HIVEP3: variants seen among roughly 807,000 people sequenced by gnomAD.
The protein encoded by HIVEP3 is HIVEP zinc finger 3.
HIVEP3 carries 49 observed loss-of-function variants against 152.8 expected under a neutral mutation model. The observed-to-expected ratio is 0.32, with a 90% confidence interval of 0.26 to 0.41. The LOEUF (loss-of-function observed/expected upper bound fraction) is 0.41. Among genes scored for constraint, HIVEP3 ranks in the 10% least tolerant of loss-of-function variants. HIVEP3 has a pLI of 1.00. For missense variants in HIVEP3, 2,790 were observed against 3,103.3 expected (o/e 0.90, Z 2.40); for synonymous variants, 1,269 against 1,289.0 (o/e 0.98, Z 0.33).
chr1:42,031,393 T>A (rs997162731), intron 1 of HIVEP3, among the ~76,000 whole-genome samples: 1 of 152,222 alleles, frequency 6.6e-6, no homozygotes, highest in Non-Finnish European at 1.5e-5. Context: ...TTTCTTCTTC[T>A]TCCCTTTAAA....
chr1:41,603,132 T>A (rs1644770425), intron 3 of HIVEP3, among the ~76,000 whole-genome samples: 1 of 152,278 alleles, frequency 6.6e-6, no homozygotes, highest in Non-Finnish European at 1.5e-5. Context: ...AGCGGCGCGA[T>A]CTCTGCTCAC....
chr1:41,882,609 GCCT>G (rs142777768), intron 1 of HIVEP3, among the ~76,000 whole-genome samples: 1,854 of 152,282 alleles, frequency 0.012, 30 homozygotes, highest in African/African-American at 0.042. Flanking sequence ...TTCCAAGGCA[GCCT>G]CCACCTTGCT....
intron 1 of HIVEP3, among the ~76,000 whole-genome samples, chr1:41,917,638 A>G (rs1644891154): frequency 6.6e-6 from 1 of 152,182 alleles, no homozygotes; most frequent in Non-Finnish European, 1.5e-5. Flanking sequence ...AGCCTGGACA[A>G]TATCATTAGG....
intron 1 of HIVEP3, among the ~76,000 whole-genome samples, chr1:41,967,553 A>T (rs894093598): frequency 1.3e-5 from 2 of 152,240 alleles, no homozygotes; most frequent in African/African-American, 4.8e-5. Context: ...AGCAGTGTTT[A>T]GAGAGAAATT....
intron 2 of HIVEP3, among the ~76,000 whole-genome samples, chr1:41,634,141 C>T (rs1007362282): frequency 5.3e-5 from 8 of 151,090 alleles, no homozygotes; most frequent in South Asian, 4.2e-4. Flanking sequence ...AAAAATTACT[C>T]GAGGAATCAC....
chr1:42,005,055 AC>A (rs1645450635), intron 1 of HIVEP3, among the ~76,000 whole-genome samples: 1 of 152,016 alleles, frequency 6.6e-6, no homozygotes, highest in South Asian at 2.1e-4. Flanking sequence ...CACCTTAGGG[AC>A]TTTGCCCTGG....
intron 1 of HIVEP3, among the ~76,000 whole-genome samples, chr1:41,992,166 A>G (rs1319960627): frequency 6.1e-5 from 9 of 147,744 alleles, no homozygotes; most frequent in Non-Finnish European, 1.1e-4. Context: ...AGGCAGGAGA[A>G]GGAAATAAAG....
At chr1:41,870,620 G>A (rs1012468372) in intron 1 of HIVEP3, among the ~76,000 whole-genome samples, 1 of 152,152 alleles carries the variant, frequency 6.6e-6, no homozygotes, top group Admixed American at 6.5e-5. Context: ...TTTACACAGG[G>A]ATAATTGATG....
In HIVEP3 at chr1:41,947,380, C is replaced by A. The variant is rs527500467; in HGVS notation, n.120-28856G>T. Among the ~76,000 whole-genome samples, 233 of 152,324 alleles carry A rather than the reference C, an allele frequency of 1.5e-3. 1 individual carries two copies. The highest frequency in any genetic ancestry group is 2.3e-3 in the Non-Finnish European group (157 of 68,032). On this transcript the variant is annotated intron_variant and non_coding_transcript_variant, in intron 1 of 3. Coordinates refer to the HIVEP3 transcript ENST00000489103. ...GTTAAATACTTCGGGCTAAAATTAT[C>A]CAAAGACACCAGGGCCCTCAGTGAG... is the stretch of plus-strand genomic sequence containing the variant.
intron 7 of HIVEP3, 55 bp downstream of exon 7, chr1:41,518,347 A>C: frequency 7.0e-7 from 1 of 1,437,436 alleles, no homozygotes; most frequent in South Asian, 1.1e-5. Flanking sequence ...AAGGTGGAGG[A>C]GGATAGGGAA....
At chr1:41,836,443 G>A (rs919512597) in intron 1 of HIVEP3, among the ~76,000 whole-genome samples, 1 of 152,226 alleles carries the variant, frequency 6.6e-6, no homozygotes, top group African/African-American at 2.4e-5. Flanking sequence ...GGGACATGCT[G>A]CAGTTCTCCT....
chr1:41,595,679 G>A (rs1478614940), intron 3 of HIVEP3, among the ~76,000 whole-genome samples: 1 of 152,110 alleles, frequency 6.6e-6, no homozygotes, highest in Non-Finnish European at 1.5e-5. Flanking sequence ...CAGTGGACTG[G>A]GAAAGGCAGA....
rs1180626182 is a variant in HIVEP3 at position 41,584,998 on chromosome 1, G to A, written c.-201C>T. The A allele has an allele frequency of 1.4e-5, 6 of 428,340 alleles. No individual in the cohort carries two copies. The South Asian group carries it at 2.9e-4, about 21-fold the overall frequency. 26.5% of individuals were successfully genotyped at this position (428,340 alleles called of 1,614,324 possible). Reference sequence around the variant, plus strand: ...CTCGGAGCAGGTCATCAGGGCCCACGCTATTCTATTGGTGAGGCATGGCCC... The same window carrying A: ...CTCGGAGCAGGTCATCAGGGCCCACACTATTCTATTGGTGAGGCATGGCCC... On this transcript the variant is annotated 5_prime_UTR_variant, in exon 4 of 9. Coordinates refer to ENST00000372583, the MANE Select transcript of HIVEP3 (RefSeq NM_024503.5). This position sits in a 1 kb window ranked among gnomAD's most constrained non-coding sequence, Gnocchi z 5.2.
chr1:41,716,114 G>A (rs2124158749), intron 1 of HIVEP3, among the ~76,000 whole-genome samples: 1 of 152,368 alleles, frequency 6.6e-6, no homozygotes, highest in East Asian at 1.9e-4. Context: ...AGGGAGCACA[G>A]GGAGGGCTTG....
chr1:41,627,613 C>T (rs1379053271), intron 3 of HIVEP3, among the ~76,000 whole-genome samples: 1 of 152,194 alleles, frequency 6.6e-6, no homozygotes, highest in African/African-American at 2.4e-5. Flanking sequence ...TGAGGGCTGC[C>T]TGTGGCCCCA....
Position 41,745,880 on chromosome 1 carries a change from G to A in HIVEP3, c.-800-44885C>T, listed in dbSNP as rs532993288. On this transcript the variant is annotated intron_variant, in intron 1 of 8. Transcript: ENST00000372583. ...CAGGCCTCCTTGCTGAGGCTTCAGG[G>A]CCTGTCAGTGAATCCTAGCAGATCT... 1.3e-3 allele frequency among the ~76,000 whole-genome samples: 201 copies of A among 152,344 alleles called. 1 individual carries two copies. The highest frequency in any genetic ancestry group is 4.5e-3 in the African/African-American group (187 of 41,582).
intron 1 of HIVEP3, among the ~76,000 whole-genome samples, chr1:41,725,026 T>C (rs750393257): frequency 6.6e-6 from 1 of 152,202 alleles, no homozygotes; most frequent in Admixed American, 6.5e-5. Flanking sequence ...AGCTGTTTGT[T>C]TTCCTACTTG....
intron 1 of HIVEP3, among the ~76,000 whole-genome samples, chr1:41,856,270 A>G (rs1643762907): frequency 6.6e-6 from 1 of 152,236 alleles, no homozygotes; most frequent in Admixed American, 6.5e-5. Context: ...TTGAAAAGCA[A>G]ATGAACAAAT....
At chr1:41,754,687 A>G (rs1647235562) in intron 1 of HIVEP3, among the ~76,000 whole-genome samples, 1 of 152,138 alleles carries the variant, frequency 6.6e-6, no homozygotes, top group Non-Finnish European at 1.5e-5. Context: ...CATTTCTGAA[A>G]CCTCAAATGT....
Sources: allele counts gnomAD v4.1 joint callset (sites outside exome capture counted in the v4.1 genomes callset), GRCh38; gene constraint gnomAD v4.1.1; non-coding constraint Gnocchi (gnomAD v3.1); transcripts MANE v1.5; gene names NCBI Gene and HGNC (gene_info 2026-07-23, HGNC 2026-07-21).